The following AHI1 variants were observed in gnomAD, a reference collection of about 807,000 sequenced individuals.
AHI1 encodes the protein Abelson helper integration site 1, also known as jouberin.
Under a neutral mutation model 149.3 loss-of-function variants are expected in AHI1, and 123 were observed. The ratio of observed to expected loss-of-function variants is 0.82; its 90% confidence interval spans 0.71 to 0.96. The LOEUF is 0.96. Among genes scored for constraint, AHI1 ranks in the 40% least tolerant of loss-of-function variants. The pLI is 0.00. For missense variants in AHI1, 1,439 were observed against 1,422.7 expected, an observed-to-expected ratio of 1.01 and a Z score of -0.18; for synonymous variants, 475 against 459.8, an observed-to-expected ratio of 1.03 and a Z score of -0.42.
chr6:135,394,255 T>C (rs1258373979), intron 23 of AHI1, among the ~76,000 whole-genome samples: 1 of 152,082 alleles, frequency 6.6e-6, no homozygotes, highest in East Asian at 1.9e-4. Context: ...AAAAACCTTA[T>C]TGAAACTCAT....
rs375647379 is a variant in AHI1 at position 135,318,564 on chromosome 6, G to A, written c.3381C>T (p.Ser1127=). 16 of 1,605,310 alleles carry A rather than the reference G, an allele frequency of 1.0e-5. No individual in the cohort carries two copies. The highest frequency in any genetic ancestry group is 1.7e-5 in the Admixed American group (1 of 58,912). The part of the protein sequence containing the change: ...PEIKERSPPL[S]PEEKTKIEKS... ...TTTCTATTTTAGTTTTTTCCTCAGG[G>A]CTTAAAGGAGGGGATCGCTCCTTTA... Residue 1127 remains serine, a synonymous_variant, in exon 26 of 29, where the codon AGC becomes AGT. Transcript: ENST00000265602.
At chr6:135,458,174 T>C (rs1352636132) in intron 8 of AHI1, among the ~76,000 whole-genome samples, 1 of 152,222 alleles carries the variant, frequency 6.6e-6, no homozygotes, top group Non-Finnish European at 1.5e-5. Context: ...GAAGATATAG[T>C]AGACAGATTA....
At position 135,372,541 on chromosome 6, in the gene AHI1, A is replaced by AG. The variant is rs1775229716; in HGVS notation, c.3110-14355_3110-14354insC. ...AAGAAAAAAAAAAAAGAAAAAAAAA[A>AG]TTAGCTGGATGTGGGTGTGCATGTG... On this transcript the variant is annotated intron_variant, in intron 23 of 28. Coordinates refer to ENST00000265602, the MANE Select transcript of AHI1 (RefSeq NM_001134831.2). 5.3e-5 allele frequency among the ~76,000 whole-genome samples: 8 copies of AG among 151,444 alleles called. No homozygotes were observed. The South Asian group carries it at 1.0e-3, about 20-fold the overall frequency.
chr6:135,308,896 C>A (rs887413892), intron 26 of AHI1, among the ~76,000 whole-genome samples: 1 of 152,170 alleles, frequency 6.6e-6, no homozygotes, highest in African/African-American at 2.4e-5. Context: ...TGCCTTCAGG[C>A]TGGATAAACT....
At chr6:135,434,714 TCAGAC>T (rs1007766961) in intron 15 of AHI1, among the ~76,000 whole-genome samples, 3 of 151,574 alleles carry the variant, frequency 2.0e-5, no homozygotes, top group Admixed American at 6.6e-5. Flanking sequence ...GGAAAAAAAA[TCAGAC>T]CAGATCATAG....
chr6:135,370,802 T>C (rs1774938541), intron 23 of AHI1, among the ~76,000 whole-genome samples: 1 of 152,224 alleles, frequency 6.6e-6, no homozygotes, highest in African/African-American at 2.4e-5. Flanking sequence ...GGTTGCTTTT[T>C]AAAATTTTCT....
intron 8 of AHI1, among the ~76,000 whole-genome samples, chr6:135,461,672 A>T (rs1175937372): frequency 6.6e-6 from 1 of 152,064 alleles, no homozygotes; most frequent in Non-Finnish European, 1.5e-5. Flanking sequence ...AAACAACTCA[A>T]ATGACCATCA....
rs559629609 is a variant in AHI1 at position 135,466,227 on chromosome 6, A to G, written c.336T>C (p.Asn112=). Residue 112 remains asparagine, a synonymous_variant, in exon 7 of 29, where the codon AAT becomes AAC. Coordinates refer to ENST00000265602, the MANE Select transcript of AHI1 (RefSeq NM_001134831.2). Reference sequence around the variant, plus strand: ...TGTCTTCCTCTACACTAGCATCACCATTAGGATTTTCAGTTGCTAACTGTG... The same window carrying G: ...TGTCTTCCTCTACACTAGCATCACCGTTAGGATTTTCAGTTGCTAACTGTG... ...RNTQLATENP[N]GDASVEEDKQ... The G allele has an allele frequency of 1.7e-5, 27 of 1,613,832 alleles. No homozygotes were observed. The highest frequency in any genetic ancestry group is 2.0e-5 in the Non-Finnish European group (24 of 1,179,882).
chr6:135,348,684 C>T (rs1327456315), intron 24 of AHI1, among the ~76,000 whole-genome samples: 1 of 152,054 alleles, frequency 6.6e-6, no homozygotes, highest in Non-Finnish European at 1.5e-5. Flanking sequence ...CTCGTTAATG[C>T]TACAAAGTTT....
chr6:135,492,146 C>T (rs1795338690), intron 4 of AHI1, 82 bp downstream of exon 4: 3 of 1,082,690 alleles, frequency 2.8e-6, no homozygotes, highest in Non-Finnish European at 4.0e-6. Context: ...TTAATCTGTT[C>T]AAGAATCCCT....
At chr6:135,389,129 T>C (rs1431147868) in intron 23 of AHI1, among the ~76,000 whole-genome samples, 1 of 151,370 alleles carries the variant, frequency 6.6e-6, no homozygotes, top group Non-Finnish European at 1.5e-5. Context: ...GCTAACATGG[T>C]GAAACCCTGT....
chr6:135,386,582 T>C (rs1777622071), intron 23 of AHI1, among the ~76,000 whole-genome samples: 2 of 152,054 alleles, frequency 1.3e-5, no homozygotes, highest in Non-Finnish European at 2.9e-5. Context: ...AGTGCTGGGA[T>C]TACAGGTGTG....
chr6:135,327,211 G>C (rs1411201299), intron 24 of AHI1, among the ~76,000 whole-genome samples: 10 of 152,166 alleles, frequency 6.6e-5, no homozygotes, highest in Admixed American at 3.3e-4. Context: ...AAACCTGATG[G>C]TGTCAGATGA....
intron 26 of AHI1, among the ~76,000 whole-genome samples, chr6:135,310,916 CAGGAATTAAAAAAACAGATTTT>C (rs1785109816): frequency 6.6e-6 from 1 of 151,724 alleles, no homozygotes; most frequent in Non-Finnish European, 1.5e-5. Context: ...ACAGCATTTT[CAGGAATTAAAAAAACAGATTTT>C]AGGAATTAAA....
At chr6:135,424,232 A>G (rs779509553) in intron 20 of AHI1, among the ~76,000 whole-genome samples, 2 of 152,100 alleles carry the variant, frequency 1.3e-5, no homozygotes, top group Non-Finnish European at 2.9e-5. Context: ...GCTCCTGTAA[A>G]GCGAGGATAA....
At chr6:135,323,099 G>A (rs1462200043) in intron 25 of AHI1, 63 bp downstream of exon 25, 2 of 1,462,258 alleles carry the variant, frequency 1.4e-6, no homozygotes, top group African/African-American at 2.8e-5. Context: ...ACTAGAAAAT[G>A]ATAAAATCTT....
intron 5 of AHI1, chr6:135,490,254 TTAAA>T: frequency 1.4e-6 from 1 of 720,254 alleles, no homozygotes; most frequent in Non-Finnish European, 2.6e-6. Flanking sequence ...CAGAAATAGT[TTAAA>T]TAAGCACAAG....
chr6:135,448,410 A>T lies in AHI1; in HGVS notation c.1506T>A (p.Pro502=). Residue 502 remains proline, a synonymous_variant, in exon 12 of 29, where the codon CCT becomes CCA. Transcript: ENST00000265602. Reference sequence around the variant, plus strand: ...CACTTAATGGGGATCGAGGCTTAGTAGGTGGGTAATATAGCTGCAAGCGAA... The same window carrying T: ...CACTTAATGGGGATCGAGGCTTAGTTGGTGGGTAATATAGCTGCAAGCGAA... ...SKLRLQLYYP[P]TKPRSPLSVV... 1 of 1,600,264 alleles carries T rather than the reference A, an allele frequency of 6.2e-7. No homozygotes were observed. The highest frequency in any genetic ancestry group is 8.5e-7 in the Non-Finnish European group (1 of 1,170,926).
At chr6:135,361,814 C>T (rs1413517835) in intron 23 of AHI1, among the ~76,000 whole-genome samples, 3 of 151,752 alleles carry the variant, frequency 2.0e-5, no homozygotes. Context: ...TTGGATTTTG[C>T]TAAGCTTTTA....
Sources: allele counts gnomAD v4.1 joint callset (sites outside exome capture counted in the v4.1 genomes callset), GRCh38; gene constraint gnomAD v4.1.1; transcripts MANE v1.5; gene names NCBI Gene and HGNC (gene_info 2026-07-23, HGNC 2026-07-21).